The following RASA3 variants were observed in gnomAD, a reference collection of about 807,000 sequenced individuals.
RASA3 encodes the protein ras GTPase-activating protein 3.
RASA3 carries 73 observed loss-of-function variants against 110.0 expected under a neutral mutation model. The observed-to-expected ratio is 0.66, with a 90% CI of 0.55 to 0.81. The LOEUF is 0.81. Among genes scored for constraint, RASA3 ranks in the 30% least tolerant of loss-of-function variants. The pLI is 0.00. For synonymous variants in RASA3, 500 were observed against 451.4 expected (o/e 1.11, Z -1.37); for missense variants, 976 against 1,113.2 (o/e 0.88, Z 1.75).
chr13:114,037,313 C>T (rs1419128512), intron 4 of RASA3, among the ~76,000 whole-genome samples: 1 of 152,210 alleles, frequency 6.6e-6, no homozygotes, highest in Non-Finnish European at 1.5e-5. Flanking sequence ...GCACACGCTT[C>T]GCACCTCGGA....
chr13:114,077,993 A>AG, intron 1 of RASA3: 2 of 365,942 alleles, frequency 5.5e-6, no homozygotes, highest in Non-Finnish European at 6.7e-6. Context: ...ATTGAAACAG[A>AG]AAAAAAAAAA....
intron 8 of RASA3, among the ~76,000 whole-genome samples, chr13:114,022,673 C>T (rs567607908): frequency 5.7e-4 from 87 of 152,278 alleles, no homozygotes; most frequent in Non-Finnish European, 1.1e-3. Flanking sequence ...ATGAGGGGAC[C>T]GCTGATCTGC....
At position 114,117,720 on chromosome 13, in the gene RASA3, A is replaced by G. The variant is rs865921150; in HGVS notation, c.55+14715T>C. 5.4e-3 allele frequency among the ~76,000 whole-genome samples: 188 copies of G among 34,982 alleles called. 5 individuals are homozygous for G. The highest frequency in any genetic ancestry group is 7.5e-3 in the Admixed American group (18 of 2,414). 22.9% of individuals were successfully genotyped at this position (34,982 alleles called of 152,430 possible). A position where few individuals can be genotyped will look rare whatever the true frequency, so the allele number is the denominator to read the frequency against. On this transcript the variant is annotated intron_variant, in intron 1 of 23. Transcript: ENST00000334062. ...TGTGAGGGGTGCACGTGTGTGAGGG[A>G]TGCATGTGTGTGAGGAGAGCACGTG...
intron 13 of RASA3, among the ~76,000 whole-genome samples, 178 bp downstream of exon 13, chr13:114,016,019 C>G (rs2053782963): frequency 6.6e-6 from 1 of 152,072 alleles, no homozygotes; most frequent in African/African-American, 2.4e-5. Context: ...AAGGTGGTGG[C>G]TGAGGCCTCC....
At chr13:114,059,017 G>A (rs1332729119) in intron 2 of RASA3, among the ~76,000 whole-genome samples, 1 of 152,208 alleles carries the variant, frequency 6.6e-6, no homozygotes, top group Non-Finnish European at 1.5e-5. Flanking sequence ...GGGCAACATA[G>A]CAAGACCCCA....
In RASA3 at chr13:114,048,532, G is replaced by A. The variant is rs1173847311; in HGVS notation, c.277+3520C>T. ...CCAATGCTCCTGACAGCACCGAGCCGGGCCTCGCGCATTTCCGTGGTTCCC... is the reference window on the plus strand; with the variant it reads ...CCAATGCTCCTGACAGCACCGAGCCAGGCCTCGCGCATTTCCGTGGTTCCC... On this transcript the variant is annotated intron_variant, in intron 3 of 23. Coordinates refer to ENST00000334062, the MANE Select transcript of RASA3 (RefSeq NM_007368.4). This position sits in a 1 kb window ranked among gnomAD's most constrained non-coding sequence, Gnocchi z 4.3. 1.3e-5 allele frequency among the ~76,000 whole-genome samples: 2 copies of A among 152,182 alleles called. No individual in the cohort carries two copies.
At position 114,011,033 on chromosome 13, in the gene RASA3, G is replaced by A. The variant is rs1392136883; in HGVS notation, c.1590+138C>T. ...GACGCTCAGGTCCTGGGTTTCAAGA[G>A]AGGATGTGGTGCCGGCTTTGATTCT... On this transcript the variant is annotated intron_variant, in intron 16 of 23. Transcript: ENST00000334062. This position sits in a 1 kb window ranked among gnomAD's most constrained non-coding sequence, Gnocchi z 4.8. 1 of 816,526 alleles carries A rather than the reference G, an allele frequency of 1.2e-6. No individual in the cohort carries two copies. Among genetic ancestry groups the A allele is most frequent in the African/African-American group, 1.7e-5 (1 of 58,496 alleles). The allele number at this position is 816,526 out of a possible 1,614,324, so 50.6% of individuals were successfully genotyped here.
chr13:114,046,649 G>A (rs1191157648), intron 3 of RASA3, among the ~76,000 whole-genome samples: 1 of 152,190 alleles, frequency 6.6e-6, no homozygotes, highest in Non-Finnish European at 1.5e-5. Flanking sequence ...AGGCGTGTCC[G>A]ATGGAAAGCT....
intron 21 of RASA3, 55 bp from the exon 22 acceptor site, chr13:113,992,643 TTAA>T: frequency 3.1e-6 from 4 of 1,284,712 alleles, no homozygotes; most frequent in Middle Eastern, 1.8e-4. Flanking sequence ...AACGATGCTT[TTAA>T]TAATGACATT....
At chr13:114,062,498 C>T (rs1247587613) in intron 2 of RASA3, among the ~76,000 whole-genome samples, 5 of 152,134 alleles carry the variant, frequency 3.3e-5, no homozygotes, top group Non-Finnish European at 7.4e-5. Flanking sequence ...CACACAGTCG[C>T]CACGGGACAC....
Position 114,052,175 on chromosome 13 carries a change from C to A in RASA3, c.174-20G>T. 1 of 1,572,512 alleles carries A rather than the reference C, an allele frequency of 6.4e-7. No individual in the cohort carries two copies. The highest frequency in any genetic ancestry group is 8.7e-7 in the Non-Finnish European group (1 of 1,144,278). On this transcript the variant is annotated intron_variant, in intron 2 of 23. Coordinates refer to ENST00000334062, the MANE Select transcript of RASA3 (RefSeq NM_007368.4). ...AACGGGCTAGTGAGACAAAGAAAAG[C>A]GCCAGTTAGAACACAGGCCACGCTT...
chr13:113,990,648 A>G (rs1324550895), intron 22 of RASA3, among the ~76,000 whole-genome samples: 2 of 152,196 alleles, frequency 1.3e-5, no homozygotes, highest in Non-Finnish European at 2.9e-5. Flanking sequence ...AGCACCTCGC[A>G]CACTTGCTGG....
At chr13:114,016,312 G>C (rs1480469678) in intron 12 of RASA3, 41 bp from the exon 13 acceptor site, 2 of 1,443,482 alleles carry the variant, frequency 1.4e-6, no homozygotes, top group East Asian at 4.6e-5. Flanking sequence ...AGTGGGTTCT[G>C]GGGGCACAGG....
intron 2 of RASA3, among the ~76,000 whole-genome samples, chr13:114,060,250 C>T (rs2079316562): frequency 6.6e-6 from 1 of 152,194 alleles, no homozygotes; most frequent in Non-Finnish European, 1.5e-5. Flanking sequence ...GGTCAGGGTG[C>T]AGCCGAGGTC....
chr13:114,111,199 A>C (rs113242821), intron 1 of RASA3, among the ~76,000 whole-genome samples: 705 of 44,588 alleles, frequency 0.016, 18 homozygotes, highest in Middle Eastern at 0.054. Context: ...CTGCAGGCCG[A>C]GTTCTAACGG....
intron 1 of RASA3, among the ~76,000 whole-genome samples, chr13:114,106,640 G>A (rs914750061): frequency 3.9e-5 from 6 of 152,300 alleles, no homozygotes; most frequent in South Asian, 2.1e-4. Flanking sequence ...TTCCCGCTCC[G>A]GAGCATAAGC....
chr13:114,123,287 T>G (rs2080403609), intron 1 of RASA3, among the ~76,000 whole-genome samples: 1 of 152,206 alleles, frequency 6.6e-6, no homozygotes, highest in Middle Eastern at 3.4e-3. Flanking sequence ...CAAGGCAAAC[T>G]AGCTGCTCCA....
At chr13:114,029,722 G>T in intron 5 of RASA3, 89 bp downstream of exon 5, 2 of 1,213,740 alleles carry the variant, frequency 1.6e-6, no homozygotes, top group Admixed American at 2.0e-5. Context: ...GGAAATTCTT[G>T]TGCGTTGGTG....
At chr13:114,109,445 C>T (rs1269567805) in intron 1 of RASA3, among the ~76,000 whole-genome samples, 1 of 152,170 alleles carries the variant, frequency 6.6e-6, no homozygotes, top group African/African-American at 2.4e-5. Flanking sequence ...CTGCCTTTTA[C>T]AAAATCCCAA....
Sources: gnomAD v4.1 joint callset for allele counts (sites outside exome capture counted in the v4.1 genomes callset) on GRCh38, gnomAD v4.1.1 for gene constraint, Gnocchi (gnomAD v3.1) non-coding constraint, MANE v1.5 for transcripts, NCBI Gene and HGNC (gene_info 2026-07-23, HGNC 2026-07-21) for gene names.